The following DCBLD2 variants were observed in gnomAD, a reference collection of about 807,000 sequenced individuals.
DCBLD2 encodes the protein discoidin, CUB and LCCL domain-containing protein 2.
A neutral mutation model predicts 86.8 loss-of-function variants in DCBLD2; 54 were observed. The ratio of observed to expected loss-of-function variants is 0.62; its 90% CI spans 0.50 to 0.78. The LOEUF (loss-of-function observed/expected upper bound fraction) is 0.78, where lower values mean the gene tolerates loss of function less well. Among genes scored for constraint, DCBLD2 ranks in the 30% least tolerant of loss-of-function variants. The pLI is 0.00. For synonymous variants in DCBLD2, 354 were observed against 341.3 expected, an observed-to-expected ratio of 1.04 and a Z score of -0.41; for missense variants, 908 against 954.2, an observed-to-expected ratio of 0.95 and a Z score of 0.64.
At chr3:98,881,254 C>CA (rs1396511949) in intron 2 of DCBLD2, among the ~76,000 whole-genome samples, 81 of 59,662 alleles carry the variant, frequency 1.4e-3, no homozygotes, top group Middle Eastern at 0.019. Context: ...GACTCTGTCT[C>CA]AAAAAAAAAA....
intron 2 of DCBLD2, among the ~76,000 whole-genome samples, chr3:98,870,678 G>GAA (rs1472293490): frequency 7.7e-6 from 1 of 129,920 alleles, no homozygotes. Context: ...GAGAGAGAGA[G>GAA]AAATAGAGAA....
chr3:98,862,915 A>G (rs560645163), intron 2 of DCBLD2, among the ~76,000 whole-genome samples: 2 of 152,312 alleles, frequency 1.3e-5, no homozygotes, highest in African/African-American at 4.8e-5. Flanking sequence ...CAGTTAGGAA[A>G]AGAGGAAGTC....
chr3:98,899,260 C>CTTTTT (rs10605926), intron 1 of DCBLD2, among the ~76,000 whole-genome samples: 32 of 101,554 alleles, frequency 3.2e-4, no homozygotes, highest in African/African-American at 4.1e-4. Context: ...ATTTCTTTTT[C>CTTTTT]TTTTTTTTTT....
chr3:98,866,025 C>A (rs1480040633), intron 2 of DCBLD2, among the ~76,000 whole-genome samples: 3 of 152,070 alleles, frequency 2.0e-5, no homozygotes, highest in Admixed American at 6.6e-5. Context: ...CATGTCCTTA[C>A]AAAGGACATG....
chr3:98,898,005 AT>A (rs1677309329), intron 1 of DCBLD2, among the ~76,000 whole-genome samples: 2 of 152,108 alleles, frequency 1.3e-5, no homozygotes, highest in Admixed American at 1.3e-4. Context: ...CACCAATTTA[AT>A]TTTTTTGAGA....
At chr3:98,831,731 T>C (rs1942326890) in intron 3 of DCBLD2, among the ~76,000 whole-genome samples, 1 of 152,168 alleles carries the variant, frequency 6.6e-6, no homozygotes, top group African/African-American at 2.4e-5. Flanking sequence ...TTCTGGAGCA[T>C]TTCCATGTAA....
chr3:98,900,140 TTAA>T (rs1364251407), intron 1 of DCBLD2, among the ~76,000 whole-genome samples: 8 of 152,232 alleles, frequency 5.3e-5, no homozygotes. Flanking sequence ...CGGCATCTTC[TTAA>T]TGACAGGCCA....
At position 98,890,928 on chromosome 3, in the gene DCBLD2, A is replaced by G. The variant is rs192581127; in HGVS notation, c.206-9161T>C. Among the ~76,000 whole-genome samples, 420 of 152,240 alleles carry G rather than the reference A, an allele frequency of 2.8e-3. 1 individual carries two copies. The highest frequency in any genetic ancestry group is 6.8e-3 in the Middle Eastern group (2 of 294). ...ATATACATACTAAGCACTTTTGCTCAGAAGTTCCACTTCATTTGAAACTCC... is the reference window on the plus strand; with the variant it reads ...ATATACATACTAAGCACTTTTGCTCGGAAGTTCCACTTCATTTGAAACTCC... On this transcript the variant is annotated intron_variant, in intron 1 of 15. Coordinates refer to ENST00000326840, the MANE Select transcript of DCBLD2 (RefSeq NM_080927.4).
At chr3:98,838,581 G>A (rs1174788707) in intron 3 of DCBLD2, among the ~76,000 whole-genome samples, 1 of 150,150 alleles carries the variant, frequency 6.7e-6, no homozygotes, top group Non-Finnish European at 1.5e-5. Context: ...CCAGGCAGAG[G>A]GGCTCCTCAC....
intron 3 of DCBLD2, among the ~76,000 whole-genome samples, chr3:98,835,825 T>C (rs1230665624): frequency 1.3e-5 from 2 of 151,982 alleles, no homozygotes; most frequent in African/African-American, 4.8e-5. Flanking sequence ...GCTGGGATTA[T>C]AGCGTGAGCC....
chr3:98,878,660 A>G (rs1474963827), intron 2 of DCBLD2, among the ~76,000 whole-genome samples: 1 of 152,166 alleles, frequency 6.6e-6, no homozygotes, highest in Non-Finnish European at 1.5e-5. Context: ...CTTTTCTACC[A>G]CTAACCATAG....
intron 2 of DCBLD2, among the ~76,000 whole-genome samples, chr3:98,874,713 C>T (rs183374210): frequency 2.0e-5 from 3 of 152,218 alleles, no homozygotes; most frequent in East Asian, 3.9e-4. Flanking sequence ...AGGTGGGGCG[C>T]TGATCCAACA....
intron 3 of DCBLD2, among the ~76,000 whole-genome samples, chr3:98,846,788 T>C (rs550429061): frequency 1.8e-4 from 27 of 152,226 alleles, no homozygotes; most frequent in South Asian, 4.1e-4. Context: ...TCTGAGGTCA[T>C]AGCCAATTCT....
At chr3:98,868,187 AG>A (rs1559793396) in intron 2 of DCBLD2, among the ~76,000 whole-genome samples, 1 of 152,220 alleles carries the variant, frequency 6.6e-6, no homozygotes, top group East Asian at 1.9e-4. Context: ...CAAAGTAAGC[AG>A]TTTTAAACAT....
At chr3:98,800,149 T>C (rs1941690691) in intron 15 of DCBLD2, among the ~76,000 whole-genome samples, 1 of 152,230 alleles carries the variant, frequency 6.6e-6, no homozygotes. Context: ...TTTCAGAATA[T>C]TTCATTGGAA....
Position 98,799,462 on chromosome 3 carries a change from G to A in DCBLD2, c.2238C>T (p.Asp746=), listed in dbSNP as rs750744764. The change falls in exon 16 of 16, where the codon GAC becomes GAT. Residue 746 remains aspartate (D), a synonymous_variant. Coordinates refer to ENST00000326840, the MANE Select transcript of DCBLD2 (RefSeq NM_080927.4). ...TCTGTGGCACCTGGTACACCAATTCGTCTGGGGCAGGTAGACCTGGCTTCC... is the reference window on the plus strand; with the variant it reads ...TCTGTGGCACCTGGTACACCAATTCATCTGGGGCAGGTAGACCTGGCTTCC... ...KAGKPGLPAP[D]ELVYQVPQST... 6.2e-6 allele frequency: 10 copies of A among 1,613,822 alleles called. No homozygotes were observed. In the African/African-American group the frequency reaches 8.0e-5, roughly 13 times the overall value.
At chr3:98,820,649 A>G (rs1219495264) in intron 6 of DCBLD2, 1 of 160,450 alleles carries the variant, frequency 6.2e-6, no homozygotes, top group Non-Finnish European at 1.4e-5. Flanking sequence ...GATTCTTAAC[A>G]CTTTTCTGTG....
At chr3:98,828,382 T>C (rs1343993010) in intron 3 of DCBLD2, among the ~76,000 whole-genome samples, 1 of 151,960 alleles carries the variant, frequency 6.6e-6, no homozygotes, top group Non-Finnish European at 1.5e-5. Flanking sequence ...AGGAACCAAT[T>C]TAAAAACAGA....
chr3:98,806,450 C>G (rs780654272), intron 13 of DCBLD2, among the ~76,000 whole-genome samples: 1 of 152,104 alleles, frequency 6.6e-6, no homozygotes, highest in Non-Finnish European at 1.5e-5. Context: ...TTTGGAATTT[C>G]CTAAAGTCCT....
Sources: gnomAD v4.1 joint callset for allele counts (sites outside exome capture counted in the v4.1 genomes callset) on GRCh38, gnomAD v4.1.1 for gene constraint, MANE v1.5 for transcripts, NCBI Gene and HGNC (gene_info 2026-07-23, HGNC 2026-07-21) for gene names.